Variants in UNC13D observed in about 807,000 individuals in gnomAD.
The protein encoded by UNC13D is unc-13 homolog D.
Under a neutral mutation model 151.7 loss-of-function variants are expected in UNC13D, and 115 were observed. The observed-to-expected ratio is 0.76, with a 90% CI of 0.65 to 0.88. UNC13D has a LOEUF of 0.88. Ranked by LOEUF, UNC13D falls within the 40% of genes least tolerant of loss-of-function variation. The pLI is 0.00. For synonymous variants in UNC13D, 588 were observed against 612.2 expected (o/e 0.96, Z 0.58); for missense variants, 1,369 against 1,438.7 (o/e 0.95, Z 0.78).
chr17:75,841,912 C>A (rs1198229706), intron 6 of UNC13D, among the ~76,000 whole-genome samples: 2 of 151,846 alleles, frequency 1.3e-5, no homozygotes, highest in African/African-American at 4.8e-5. Flanking sequence ...CCACGCCCGG[C>A]TAATTTTTTG....
rs1256055865 is a variant in UNC13D at position 75,833,538 on chromosome 17, C to G, written c.2368-493G>C. 2.0e-5 allele frequency among the ~76,000 whole-genome samples: 3 copies of G among 152,050 alleles called. No homozygotes were observed. The highest frequency in any genetic ancestry group is 2.9e-5 in the Non-Finnish European group (2 of 68,048). ...CTGTGCATAGAGTTAACAGCTATAA[C>G]TATCACTATAGTTATGGATACTCAC... On this transcript the variant is annotated intron_variant, in intron 24 of 31. Coordinates refer to ENST00000207549, the MANE Select transcript of UNC13D (RefSeq NM_199242.3). This position sits in a 1 kb window ranked among gnomAD's most constrained non-coding sequence, Gnocchi z 4.0.
intron 30 of UNC13D, 27 bp from the exon 31 acceptor site, chr17:75,829,010 C>T (rs746819458): frequency 6.3e-7 from 1 of 1,596,060 alleles, no homozygotes; most frequent in Admixed American, 1.7e-5. Flanking sequence ...GGCTCTGCTG[C>T]CAGCCCCAGC....
At chr17:75,828,153 G>A (rs1037268233) in intron 31 of UNC13D, 67 bp from the exon 32 acceptor site, 2 of 1,542,010 alleles carry the variant, frequency 1.3e-6, no homozygotes, top group Admixed American at 3.9e-5. Context: ...TGGCAGAGAA[G>A]AGTGTGTGGG....
rs778801174 is a variant in UNC13D at position 75,840,092 on chromosome 17, G to A, written c.877C>T (p.Arg293Cys). The A allele has an allele frequency of 1.7e-5, 27 of 1,612,850 alleles. 1 individual carries two copies. Among genetic ancestry groups the A allele is most frequent in the South Asian group, 1.1e-4 (10 of 91,034 alleles). The change falls in exon 11 of 32, where the codon CGC (arginine) becomes TGC (cysteine). Residue 293 changes from arginine to cysteine, a missense_variant. By Grantham distance (180) the Arg-to-Cys change is radical (BLOSUM62 -3). Coordinates refer to ENST00000207549, the MANE Select transcript of UNC13D (RefSeq NM_199242.3). This position sits in a 1 kb window ranked among gnomAD's most constrained non-coding sequence, Gnocchi z 4.6. ...IHKRRATSAS[R>C]SQPSYTVHLH... ...TGCACGGTGTAGCTCGGCTGCGAGC[G>A]GCTGGCCGAAGTGGCTCTCTGCAAT...
At chr17:75,841,910 G>A (rs922397368) in intron 6 of UNC13D, among the ~76,000 whole-genome samples, 45 of 151,836 alleles carry the variant, frequency 3.0e-4, no homozygotes, top group African/African-American at 8.5e-4. Context: ...CACCACGCCC[G>A]GCTAATTTTT....
In UNC13D at chr17:75,836,345, G is replaced by A. The variant is rs764237993; in HGVS notation, c.1383C>T (p.Ala461=). ...TAPLPQLVTE[A]LQTGTTEWFH... ...CCCAGCGCGAGTACCATACCTGCAG[G>A]GCCTCAGTCACCAGCTGGGGCAATG... The change falls in exon 15 of 32, where the codon GCC becomes GCT. Residue 461 remains alanine (A), a synonymous_variant. Coordinates refer to ENST00000207549, the MANE Select transcript of UNC13D (RefSeq NM_199242.3). 16 of 1,613,866 alleles carry A rather than the reference G, an allele frequency of 9.9e-6. No individual in the cohort carries two copies. The highest frequency in any genetic ancestry group is 1.3e-5 in the African/African-American group (1 of 74,954).
Position 75,840,590 on chromosome 17 carries a change from G to A in UNC13D, c.684-14C>T. ...TCTTTAAAGATCCTGCGTCAGGCAGGGTCCCATAAGGGGGACGCAGCAAGG... is the reference window on the plus strand; with the variant it reads ...TCTTTAAAGATCCTGCGTCAGGCAGAGTCCCATAAGGGGGACGCAGCAAGG... On this transcript the variant is annotated splice_polypyrimidine_tract_variant and intron_variant, in intron 8 of 31. Transcript: ENST00000207549. This position sits in a 1 kb window ranked among gnomAD's most constrained non-coding sequence, Gnocchi z 4.6. The A allele has an allele frequency of 6.2e-7, 1 of 1,613,950 alleles. No individual in the cohort carries two copies. The highest frequency in any genetic ancestry group is 8.5e-7 in the Non-Finnish European group (1 of 1,180,012).
At chr17:75,831,533 C>T in intron 25 of UNC13D, 185 bp from the exon 26 acceptor site, 1 of 616,436 alleles carries the variant, frequency 1.6e-6, no homozygotes, top group South Asian at 1.9e-5. Flanking sequence ...ACAGGACCAG[C>T]AAGGGGCAGG....
Position 75,840,475 on chromosome 17 carries a change from C to T in UNC13D, c.753+32G>A, listed in dbSNP as rs192092035. On this transcript the variant is annotated intron_variant, in intron 9 of 31. Transcript: ENST00000207549. The surrounding 1 kb of genome is among the most constrained non-coding windows in gnomAD (Gnocchi z 4.6). ...CCCTCCCAACCCCCTCCCTCTGCCT[C>T]GCTCCTGGGCCCCTTTCCTCATCCT... 1.1e-5 allele frequency: 18 copies of T among 1,613,416 alleles called. No individual in the cohort carries two copies. In the East Asian group the frequency reaches 2.7e-4, roughly 24 times the overall value.
At chr17:75,828,385 C>G (rs1401718796) in intron 31 of UNC13D, among the ~76,000 whole-genome samples, 6 of 152,234 alleles carry the variant, frequency 3.9e-5, no homozygotes. Context: ...AGCAAGTTAA[C>G]CTTTTCATGC....
Position 75,831,100 on chromosome 17 carries a change from G to A in UNC13D, c.2623C>T (p.Gln875Ter). The change falls in exon 27 of 32, where the codon CAG becomes TAG. Residue 875 changes from glutamine to a stop codon, truncating the protein, a stop_gained and splice_region_variant. Transcript: ENST00000207549. LOFTEE classifies it high-confidence loss of function. ...PPKALHTATF[Q>*]ALQRDLELQA... is the part of the protein sequence containing the mutation. Reference sequence around the variant, plus strand: ...GGAAGCTCACCCAAAGCCCCTACCTGGAAGGTGGCAGTGTGCAGGGCCTTG... The same window carrying A: ...GGAAGCTCACCCAAAGCCCCTACCTAGAAGGTGGCAGTGTGCAGGGCCTTG... 1 of 1,613,924 alleles carries A rather than the reference G, an allele frequency of 6.2e-7. No individual in the cohort carries two copies. The highest frequency in any genetic ancestry group is 8.5e-7 in the Non-Finnish European group (1 of 1,180,034).
chr17:75,831,013 T>C, intron 27 of UNC13D, 85 bp downstream of exon 27: 1 of 1,510,250 alleles, frequency 6.6e-7, no homozygotes, highest in Non-Finnish European at 9.1e-7. Flanking sequence ...GCCCCATAAA[T>C]TATGTAGCCG....
intron 30 of UNC13D, among the ~76,000 whole-genome samples, chr17:75,829,487 G>A (rs186134158): frequency 0.013 from 1,983 of 151,762 alleles, 35 homozygotes; most frequent in Non-Finnish European, 0.016. Context: ...TAGAGACGGG[G>A]TTTCACCATG....
rs777025794 is a variant in UNC13D at position 75,827,489 on chromosome 17, TC to T, written c.*475del. ...CCCCCTCTAGTAATGGCCACCACCC[TC>T]CCCCCAGGGCAGCTGGAGCCTCATC... On this transcript the variant is annotated 3_prime_UTR_variant, in exon 32 of 32. Transcript: ENST00000207549. 6.7e-7 allele frequency: 1 copy of T among 1,492,492 alleles called. No individual in the cohort carries two copies. The highest frequency in any genetic ancestry group is 1.3e-5 in the South Asian group (1 of 78,940). 92.5% of individuals were successfully genotyped at this position (1,492,492 alleles called of 1,614,324 possible).
rs989852597 is a variant in UNC13D at position 75,840,123 on chromosome 17, C to G, written c.859-13G>C. On this transcript the variant is annotated splice_polypyrimidine_tract_variant and intron_variant, in intron 10 of 31. Transcript: ENST00000207549. This position sits in a 1 kb window ranked among gnomAD's most constrained non-coding sequence, Gnocchi z 4.6. ...CCGAAGTGGCTCTCTGCAATGAGGCCTCTGTGAGCAGACAGGGCCTCACAC... is the reference window on the plus strand; with the variant it reads ...CCGAAGTGGCTCTCTGCAATGAGGCGTCTGTGAGCAGACAGGGCCTCACAC... 3 of 1,612,288 alleles carry G rather than the reference C, an allele frequency of 1.9e-6. No individual in the cohort carries two copies. The African/African-American group carries it at 4.0e-5, about 22-fold the overall frequency.
At chr17:75,842,240 C>T (rs1452025512) in intron 6 of UNC13D, among the ~76,000 whole-genome samples, 193 bp downstream of exon 6, 1 of 152,222 alleles carries the variant, frequency 6.6e-6, no homozygotes, top group East Asian at 1.9e-4. Flanking sequence ...GCACGTGTGG[C>T]ATTGATCTTG....
rs1599406743 is a variant in UNC13D at position 75,834,320 on chromosome 17, G to C, written c.2298+5C>G. On this transcript the variant is annotated splice_donor_5th_base_variant and intron_variant, in intron 23 of 31. Coordinates refer to ENST00000207549, the MANE Select transcript of UNC13D (RefSeq NM_199242.3). ...ATGGGGTGACTGTGCGGTCGGACAAGGTACCTGCTCGGCCAGGGTGCGGAC... is the reference window on the plus strand; with the variant it reads ...ATGGGGTGACTGTGCGGTCGGACAACGTACCTGCTCGGCCAGGGTGCGGAC... 6.3e-7 allele frequency: 1 copy of C among 1,594,424 alleles called. No individual in the cohort carries two copies. The highest frequency in any genetic ancestry group is 8.5e-7 in the Non-Finnish European group (1 of 1,178,616).
At position 75,844,340 on chromosome 17, in the gene UNC13D, T is replaced by C. The variant is rs1246318731; in HGVS notation, c.-3A>G. 6.2e-7 allele frequency: 1 copy of C among 1,606,628 alleles called. No individual in the cohort carries two copies. Among genetic ancestry groups the C allele is most frequent in the Non-Finnish European group, 8.5e-7 (1 of 1,177,512 alleles). On this transcript the variant is annotated 5_prime_UTR_variant, in exon 1 of 32. Transcript: ENST00000207549. ...GGATGGGAGAGGAGTGTCGCCATGG[T>C]GGCCTTCTCTGCCCTTCCCTGTCCG... is the stretch of plus-strand genomic sequence containing the variant.
rs1045826133 is a variant in UNC13D, at chr17:75,840,656, C to G, written c.684-80G>C. ...GCTGGAATCCACCCCCGGCCGCAGC[C>G]ACCTGGACCCCAAAGGAGCCTGCAC... On this transcript the variant is annotated intron_variant, in intron 8 of 31. Transcript: ENST00000207549. This position sits in a 1 kb window ranked among gnomAD's most constrained non-coding sequence, Gnocchi z 4.6. 106 of 1,611,692 alleles carry G rather than the reference C, an allele frequency of 6.6e-5. No individual in the cohort carries two copies. The highest frequency in any genetic ancestry group is 8.7e-5 in the Non-Finnish European group (102 of 1,178,340).
Sources: allele counts gnomAD v4.1 joint callset (sites outside exome capture counted in the v4.1 genomes callset), GRCh38; gene constraint gnomAD v4.1.1; non-coding constraint Gnocchi (gnomAD v3.1); transcripts MANE v1.5; gene names NCBI Gene and HGNC (gene_info 2026-07-23, HGNC 2026-07-21).